The following RORA variants were observed in gnomAD, a reference collection of about 807,000 sequenced individuals.
The protein encoded by RORA is RAR related orphan receptor A.
A neutral mutation model predicts 69.5 loss-of-function variants in RORA; 7 were observed. That is an observed-to-expected ratio of 0.10 (90% CI 0.06 to 0.19). The LOEUF is 0.19. Ranked by LOEUF, RORA falls within the 10% of genes least tolerant of loss-of-function variation. The probability of loss-of-function intolerance (pLI) is 1.00; values close to 1 mark genes in which losing one functional copy is unlikely to be tolerated. For missense variants in RORA, 457 were observed against 663.0 expected (o/e 0.69, Z 3.41); for synonymous variants, 261 against 240.8 (o/e 1.08, Z -0.78).
intron 1 of RORA, among the ~76,000 whole-genome samples, chr15:61,095,263 G>A (rs1004091787): frequency 1.3e-5 from 2 of 152,136 alleles, no homozygotes; most frequent in Non-Finnish European, 2.9e-5. Flanking sequence ...GGTATATGCC[G>A]AGATGATCAT....
chr15:60,604,981 TA>T (rs1383989133), intron 2 of RORA, among the ~76,000 whole-genome samples: 1 of 152,186 alleles, frequency 6.6e-6, no homozygotes, highest in Non-Finnish European at 1.5e-5. Context: ...GTATGAGCAA[TA>T]TAAAATATAC....
chr15:61,181,844 A>C (rs2079689598), intron 1 of RORA, among the ~76,000 whole-genome samples: 1 of 152,180 alleles, frequency 6.6e-6, no homozygotes, highest in Admixed American at 6.5e-5. Context: ...GTAGCACTAG[A>C]GTGGAAATCT....
At chr15:60,913,752 G>C (rs918353460) in intron 1 of RORA, among the ~76,000 whole-genome samples, 3 of 152,344 alleles carry the variant, frequency 2.0e-5, no homozygotes, top group Admixed American at 1.3e-4. Flanking sequence ...TGGATTTACT[G>C]TATAGGGTGT....
At chr15:61,068,323 C>T (rs59938185) in intron 1 of RORA, among the ~76,000 whole-genome samples, 51,407 of 152,056 alleles carry the variant, frequency 0.34, 8,846 homozygotes, top group African/African-American at 0.36. Flanking sequence ...TAACGGTGTG[C>T]ACTGTCTATA....
intron 2 of RORA, among the ~76,000 whole-genome samples, chr15:60,611,759 CTCTT>C (rs2069098590): frequency 6.6e-6 from 1 of 152,020 alleles, no homozygotes; most frequent in Non-Finnish European, 1.5e-5. Flanking sequence ...GCCATCCTCA[CTCTT>C]TCATCACTGC....
chr15:60,969,918 T>A (rs185062346), intron 1 of RORA, among the ~76,000 whole-genome samples: 1 of 152,326 alleles, frequency 6.6e-6, no homozygotes, highest in East Asian at 1.9e-4. Flanking sequence ...TTAAATGTGG[T>A]CCTGTGGGTG....
chr15:61,051,270 T>C (rs980053736), intron 1 of RORA, among the ~76,000 whole-genome samples: 6 of 152,100 alleles, frequency 3.9e-5, no homozygotes, highest in African/African-American at 1.4e-4. Context: ...AATATGTACA[T>C]TTTGGAGTGG....
intron 1 of RORA, among the ~76,000 whole-genome samples, chr15:61,045,657 G>A (rs781531579): frequency 1.6e-4 from 25 of 152,168 alleles, no homozygotes; most frequent in Non-Finnish European, 3.2e-4. Context: ...AGGTCAGACA[G>A]TGCAGAGAAT....
intron 1 of RORA, chr15:60,841,173 G>T: frequency 1.5e-5 from 10 of 682,304 alleles, no homozygotes; most frequent in Non-Finnish European, 1.8e-5. Context: ...ACACAGCTTG[G>T]AGAAAGAACA....
At chr15:60,500,930 C>A (rs777407318) in intron 9 of RORA, 29 bp downstream of exon 9, 13 of 1,301,418 alleles carry the variant, frequency 1.0e-5, no homozygotes, top group Non-Finnish European at 2.2e-6. Flanking sequence ...AATTCGAAAA[C>A]CATTTTTATT....
At chr15:60,765,834 A>G (rs970236900) in intron 1 of RORA, among the ~76,000 whole-genome samples, 2 of 152,234 alleles carry the variant, frequency 1.3e-5, no homozygotes, top group African/African-American at 4.8e-5. Context: ...TGTGGTTCTA[A>G]GTATTTACAG....
chr15:60,992,949 A>C (rs1207043511), intron 1 of RORA, among the ~76,000 whole-genome samples: 1 of 152,132 alleles, frequency 6.6e-6, no homozygotes, highest in Non-Finnish European at 1.5e-5. Context: ...TGATCCATAA[A>C]TTGCAGAGGT....
At chr15:60,669,228 C>A (rs1420186237) in intron 2 of RORA, among the ~76,000 whole-genome samples, 2 of 152,146 alleles carry the variant, frequency 1.3e-5, no homozygotes, top group Admixed American at 1.3e-4. Context: ...ACGGGTCTTA[C>A]AATTAGACCT....
intron 1 of RORA, among the ~76,000 whole-genome samples, chr15:61,065,840 C>G (rs57567672): frequency 0.2 from 30,631 of 152,128 alleles, 3,367 homozygotes; most frequent in South Asian, 0.25. Context: ...AGACTCTGAT[C>G]CTACTCCTTT....
chr15:61,110,969 C>T (rs551524007), intron 1 of RORA, among the ~76,000 whole-genome samples: 2 of 152,180 alleles, frequency 1.3e-5, no homozygotes. Flanking sequence ...TTGTTTCCTT[C>T]TGTATTCCTG....
intron 1 of RORA, among the ~76,000 whole-genome samples, chr15:60,987,240 G>A (rs1346962929): frequency 1.3e-5 from 2 of 152,158 alleles, no homozygotes; most frequent in Non-Finnish European, 1.5e-5. Context: ...TGTTGGGCAC[G>A]TCATTCTCAC....
intron 1 of RORA, among the ~76,000 whole-genome samples, chr15:61,192,289 T>C (rs984013360): frequency 4.6e-5 from 7 of 152,248 alleles, no homozygotes; most frequent in Admixed American, 3.9e-4. Context: ...AAAAGTGACA[T>C]GTTGTACTGG....
intron 1 of RORA, among the ~76,000 whole-genome samples, chr15:61,150,012 C>T (rs2079384373): frequency 6.6e-6 from 1 of 152,186 alleles, no homozygotes; most frequent in Non-Finnish European, 1.5e-5. Context: ...CAGAGCTTTC[C>T]ATCTCCAATG....
intron 1 of RORA, among the ~76,000 whole-genome samples, chr15:60,743,626 G>A (rs1209630678): frequency 1.3e-5 from 2 of 152,128 alleles, no homozygotes; most frequent in Admixed American, 6.5e-5. Flanking sequence ...AATGACTGAG[G>A]TTGACAAAAG....
Sources: gnomAD v4.1 joint callset for allele counts (sites outside exome capture counted in the v4.1 genomes callset) on GRCh38, gnomAD v4.1.1 for gene constraint, MANE v1.5 for transcripts, NCBI Gene and HGNC (gene_info 2026-07-23, HGNC 2026-07-21) for gene names.